LRIG3: variants seen among roughly 807,000 people sequenced by gnomAD.
LRIG3 encodes the protein leucine rich repeats and immunoglobulin like domains 3, also known as leucine-rich repeats and immunoglobulin-like domains protein 3.
LRIG3 carries 76 observed loss-of-function variants against 114.5 expected under a neutral mutation model. The ratio of observed to expected loss-of-function variants is 0.66; its 90% CI spans 0.55 to 0.80. The LOEUF is 0.80. Ranked by LOEUF, LRIG3 falls within the 30% of genes least tolerant of loss-of-function variation. The probability of loss-of-function intolerance (pLI) is 0.00; values close to 1 mark genes in which losing one functional copy is unlikely to be tolerated. For missense variants in LRIG3, 1,239 were observed against 1,382.8 expected (o/e 0.90, Z 1.65); for synonymous variants, 512 against 519.8 (o/e 0.98, Z 0.20).
intron 12 of LRIG3, among the ~76,000 whole-genome samples, 177 bp downstream of exon 12, chr12:58,882,692 C>A (rs1314286697): frequency 6.6e-6 from 1 of 152,214 alleles, no homozygotes. Context: ...TTAGAAAACT[C>A]TCTTTCCCAT....
At chr12:58,904,775 C>G (rs981146541) in intron 3 of LRIG3, among the ~76,000 whole-genome samples, 2 of 152,116 alleles carry the variant, frequency 1.3e-5, no homozygotes, top group African/African-American at 4.8e-5. Flanking sequence ...TGAGCATCCA[C>G]CATGGGCCAG....
At chr12:58,887,993 T>C (rs1871332298) in intron 7 of LRIG3, 61 bp from the exon 8 acceptor site, 8 of 1,511,896 alleles carry the variant, frequency 5.3e-6, no homozygotes, top group African/African-American at 1.4e-5. Context: ...AATGATTTGT[T>C]TTCCAAAAGA....
chr12:58,876,684 T>A, intron 15 of LRIG3, 81 bp from the exon 16 acceptor site: 1 of 1,470,214 alleles, frequency 6.8e-7, no homozygotes, highest in Non-Finnish European at 9.4e-7. Flanking sequence ...TGGCATAGAC[T>A]ATTTTGGCTT....
At chr12:58,890,862 T>C (rs1871434677) in intron 3 of LRIG3, 66 bp from the exon 4 acceptor site, 1 of 1,495,754 alleles carries the variant, frequency 6.7e-7, no homozygotes, top group African/African-American at 1.4e-5. Flanking sequence ...AGAAAAATAT[T>C]TTCTATTCCT....
At chr12:58,909,496 G>A (rs1432850990) in intron 3 of LRIG3, among the ~76,000 whole-genome samples, 1 of 152,150 alleles carries the variant, frequency 6.6e-6, no homozygotes, top group African/African-American at 2.4e-5. Context: ...GAGGGAGTTT[G>A]TATGCTTTTT....
chr12:58,902,140 A>C (rs887469239), intron 3 of LRIG3, among the ~76,000 whole-genome samples: 2 of 152,194 alleles, frequency 1.3e-5, no homozygotes, highest in Non-Finnish European at 2.9e-5. Context: ...TTATACAATT[A>C]ATTGACTACT....
At chr12:58,905,189 C>T (rs752340830) in intron 3 of LRIG3, among the ~76,000 whole-genome samples, 1 of 152,140 alleles carries the variant, frequency 6.6e-6, no homozygotes, top group Non-Finnish European at 1.5e-5. Flanking sequence ...GCAATGGGAA[C>T]TGTTGAAGGG....
chr12:58,912,314 G>A (rs966860752), intron 3 of LRIG3, among the ~76,000 whole-genome samples: 2 of 152,290 alleles, frequency 1.3e-5, no homozygotes, highest in African/African-American at 2.4e-5. Context: ...GGCTAACACG[G>A]TGAAACCCCC....
At chr12:58,895,514 T>C (rs987007694) in intron 3 of LRIG3, among the ~76,000 whole-genome samples, 3 of 152,052 alleles carry the variant, frequency 2.0e-5, no homozygotes, top group African/African-American at 7.2e-5. Flanking sequence ...GATGGCTAAG[T>C]ACAGAGTGCA....
At chr12:58,876,400 A>G in intron 16 of LRIG3, 45 bp downstream of exon 16, 1 of 1,594,876 alleles carries the variant, frequency 6.3e-7, no homozygotes, top group Admixed American at 1.7e-5. Flanking sequence ...CTTCCACCAT[A>G]TGACTTCAAA....
chr12:58,872,774 T>G lies in LRIG3; in HGVS notation c.3158A>C (p.Tyr1053Ser). Residue 1053 changes from tyrosine (Y) to serine (S), a missense_variant, in exon 19 of 19, where the codon TAT becomes TCT. By Grantham distance (144) the Tyr-to-Ser change is moderately radical. Coordinates refer to ENST00000320743, the MANE Select transcript of LRIG3 (RefSeq NM_153377.5). ...ATCTGATGGCTGTCCAAAGCTTGAATAGGCATCTAGGTGAGGTCTCCTGAG... is the reference window on the plus strand; with the variant it reads ...ATCTGATGGCTGTCCAAAGCTTGAAGAGGCATCTAGGTGAGGTCTCCTGAG... ...KALRRPHLDAYSSFGQPSDCQ... is the reference protein window; with the variant it reads ...KALRRPHLDASSSFGQPSDCQ... 1 of 1,614,088 alleles carries G rather than the reference T, an allele frequency of 6.2e-7. No individual in the cohort carries two copies. The highest frequency in any genetic ancestry group is 8.5e-7 in the Non-Finnish European group (1 of 1,179,964).
intron 3 of LRIG3, among the ~76,000 whole-genome samples, chr12:58,898,184 T>C (rs892669588): frequency 6.6e-6 from 1 of 152,222 alleles, no homozygotes; most frequent in African/African-American, 2.4e-5. Context: ...TGATAAGATC[T>C]GACACAGTAA....
chr12:58,879,361 C>A (rs1413574226), intron 13 of LRIG3, among the ~76,000 whole-genome samples: 1 of 152,180 alleles, frequency 6.6e-6, no homozygotes, highest in Non-Finnish European at 1.5e-5. Flanking sequence ...GAATGAAGGT[C>A]TTCCTGCTAT....
chr12:58,888,189 A>G, intron 7 of LRIG3, 140 bp downstream of exon 7: 2 of 1,063,448 alleles, frequency 1.9e-6, no homozygotes, highest in South Asian at 1.9e-5. Flanking sequence ...CACAACAAAA[A>G]TAAGACTAGG....
intron 3 of LRIG3, among the ~76,000 whole-genome samples, chr12:58,912,171 G>GCTTTC (rs1324779684): frequency 6.6e-6 from 1 of 152,212 alleles, no homozygotes; most frequent in African/African-American, 2.4e-5. Flanking sequence ...GATCATTGTA[G>GCTTTC]CTTTCTAATT....
intron 1 of LRIG3, chr12:58,919,442 A>G: frequency 6.4e-7 from 1 of 1,551,698 alleles, no homozygotes; most frequent in Non-Finnish European, 8.7e-7. Context: ...GCTAATGTGA[A>G]AAAGCAAGCA....
Position 58,878,992 on chromosome 12 carries a change from C to A in LRIG3, c.1915G>T (p.Asp639Tyr). The change falls in exon 14 of 19, where the codon GAT becomes TAT. Residue 639 changes from aspartate to tyrosine, a missense_variant. Asp to Tyr is a radical substitution (Grantham distance 160, BLOSUM62 -3). Coordinates refer to ENST00000320743, the MANE Select transcript of LRIG3 (RefSeq NM_153377.5). ...GCAGCTGGGAAGTCTGTGCCCCCAT[C>A]CTTCTGCCAGGCTATCTGGGGGGCT... ...HPAPQIAWQK[D>Y]GGTDFPAARE... The A allele has an allele frequency of 6.2e-7, 1 of 1,614,212 alleles. No homozygotes were observed. The highest frequency in any genetic ancestry group is 8.5e-7 in the Non-Finnish European group (1 of 1,180,042).
chr12:58,876,434 T>G lies in LRIG3; in HGVS notation c.2695+11A>C, dbSNP rs1211093822. The G allele has an allele frequency of 6.2e-7, 1 of 1,613,150 alleles. No homozygotes were observed. Reference sequence around the variant, plus strand: ...AAACAATTACAGCCCACATTCATTTTAAACACTTACCACTACTGTCATGTT... The same window carrying G: ...AAACAATTACAGCCCACATTCATTTGAAACACTTACCACTACTGTCATGTT... On this transcript the variant is annotated intron_variant, in intron 16 of 18. Transcript: ENST00000320743.
chr12:58,915,912 G>C (rs1020809065), intron 1 of LRIG3, among the ~76,000 whole-genome samples: 1 of 152,180 alleles, frequency 6.6e-6, no homozygotes, highest in Non-Finnish European at 1.5e-5. Context: ...TTTCACCTGG[G>C]AGGTAGCCTG....
Sources: allele counts gnomAD v4.1 joint callset (sites outside exome capture counted in the v4.1 genomes callset), GRCh38; gene constraint gnomAD v4.1.1; transcripts MANE v1.5; gene names NCBI Gene and HGNC (gene_info 2026-07-23, HGNC 2026-07-21).